The following TENM2 variants were observed in gnomAD, a reference collection of about 807,000 sequenced individuals.
The protein encoded by TENM2 is teneurin-2.
A neutral mutation model predicts 245.2 loss-of-function variants in TENM2; 52 were observed. The ratio of observed to expected loss-of-function variants is 0.21; its 90% CI spans 0.17 to 0.27. TENM2 has a LOEUF of 0.27. Ranked by LOEUF, TENM2 falls within the 10% of genes least tolerant of loss-of-function variation. The pLI, the probability that TENM2 is intolerant of heterozygous loss-of-function variation, is 1.00. For missense variants in TENM2, 3,046 were observed against 3,666.8 expected (o/e 0.83, Z 4.37); for synonymous variants, 1,363 against 1,438.9 (o/e 0.95, Z 1.19).
intron 2 of TENM2, among the ~76,000 whole-genome samples, chr5:167,530,140 C>CT (rs58738834): frequency 0.04 from 6,131 of 152,192 alleles, 373 homozygotes; most frequent in East Asian, 0.29. Context: ...TGTTTAGAAA[C>CT]TTTTTAGAGC....
At chr5:167,169,439 G>A in the TENM2 span, among the ~76,000 whole-genome samples, 1 of 152,166 alleles carries the variant, frequency 6.6e-6, no homozygotes, top group Admixed American at 6.5e-5. Flanking sequence ...ACTTCCTGTG[G>A]TCACATTGCA....
intron 5 of TENM2, among the ~76,000 whole-genome samples, chr5:168,024,598 T>C (rs1310322157): frequency 6.6e-6 from 1 of 152,150 alleles, no homozygotes; most frequent in Non-Finnish European, 1.5e-5. Flanking sequence ...ATGTGAAAAA[T>C]GAGAGTTCAC....
At chr5:167,710,285 G>T (rs1758822377) in intron 2 of TENM2, among the ~76,000 whole-genome samples, 2 of 152,098 alleles carry the variant, frequency 1.3e-5, no homozygotes, top group Admixed American at 1.3e-4. Context: ...CATACTATTT[G>T]ACATGAATTA....
Position 167,467,380 on chromosome 5 carries a change from C to T in TENM2, c.502+91907C>T, listed in dbSNP as rs116813067. ...GTGGAACTGTGAGTCCATTAAACCT[C>T]CTTTGCTTATAAATTACCCAGTCTC... On this transcript the variant is annotated intron_variant, in intron 2 of 28. Transcript: ENST00000518659. Among the ~76,000 whole-genome samples, 384 of 152,158 alleles carry T rather than the reference C, an allele frequency of 2.5e-3. 1 individual carries two copies. The highest frequency in any genetic ancestry group is 5.2e-3 in the Admixed American group (80 of 15,278).
intron 3 of TENM2, chr5:167,938,147 A>G (rs1281665635): frequency 6.6e-6 from 1 of 152,238 alleles, no homozygotes; most frequent in Admixed American, 6.5e-5. Flanking sequence ...GAAAACACAA[A>G]TGAATCAAAA....
intron 2 of TENM2, among the ~76,000 whole-genome samples, chr5:167,561,866 A>G (rs1330240805): frequency 6.6e-6 from 1 of 152,224 alleles, no homozygotes; most frequent in Non-Finnish European, 1.5e-5. Context: ...ATCAAATGCT[A>G]ACATGTATAC....
intron 2 of TENM2, among the ~76,000 whole-genome samples, chr5:167,769,821 G>C (rs1763284073): frequency 1.3e-5 from 2 of 152,268 alleles, no homozygotes; most frequent in South Asian, 4.1e-4. Context: ...TGTCCATTGA[G>C]GGATGGCTTT....
At chr5:167,349,881 C>T (rs1290442472) in intron 1 of TENM2, among the ~76,000 whole-genome samples, 3 of 151,540 alleles carry the variant, frequency 2.0e-5, no homozygotes, top group African/African-American at 4.9e-5. Context: ...ACAATATTGC[C>T]TATATTGAAA....
chr5:167,951,238 A>G (rs1780076220), intron 3 of TENM2, among the ~76,000 whole-genome samples: 1 of 152,234 alleles, frequency 6.6e-6, no homozygotes, highest in African/African-American at 2.4e-5. Flanking sequence ...GCTTGTTTAA[A>G]TGACTTGAGC....
chr5:167,533,650 G>C (rs1034333598), intron 2 of TENM2, among the ~76,000 whole-genome samples: 2 of 151,948 alleles, frequency 1.3e-5, no homozygotes, highest in African/African-American at 4.8e-5. Flanking sequence ...TATAGAAATG[G>C]GGTCTAGTTA....
chr5:168,038,441 T>A (rs1332650104), intron 5 of TENM2, among the ~76,000 whole-genome samples: 1 of 152,160 alleles, frequency 6.6e-6, no homozygotes, highest in Non-Finnish European at 1.5e-5. Flanking sequence ...TAAAACCAGC[T>A]GCCCCACCTA....
At chr5:167,140,521 C>A in the TENM2 span, among the ~76,000 whole-genome samples, 2 of 152,122 alleles carry the variant, frequency 1.3e-5, no homozygotes, top group East Asian at 3.9e-4. Flanking sequence ...GCTTGAAATT[C>A]TTTGAGTGTT....
chr5:167,379,307 G>A (rs760658787), intron 2 of TENM2, among the ~76,000 whole-genome samples: 3 of 151,980 alleles, frequency 2.0e-5, no homozygotes, highest in Admixed American at 1.3e-4. Context: ...CTGTCTCCTC[G>A]GCAGAGTTCC....
chr5:167,737,043 C>A (rs961954235), intron 2 of TENM2, among the ~76,000 whole-genome samples: 3 of 152,224 alleles, frequency 2.0e-5, no homozygotes, highest in Non-Finnish European at 4.4e-5. Context: ...GTCCGCCTCA[C>A]ACCTGGGATT....
chr5:167,310,629 C>CA (rs1223643876), intron 1 of TENM2, among the ~76,000 whole-genome samples: 3 of 151,242 alleles, frequency 2.0e-5, no homozygotes, highest in African/African-American at 7.3e-5. Context: ...AAAACAAAAA[C>CA]AAAAAACAAA....
At chr5:168,255,217 T>C (rs1032152219) in intron 27 of TENM2, among the ~76,000 whole-genome samples, 1 of 152,192 alleles carries the variant, frequency 6.6e-6, no homozygotes, top group African/African-American at 2.4e-5. Context: ...ATAGTCCCTT[T>C]TCAATGCTCT....
At chr5:168,209,960 T>C (rs1430319207) in intron 19 of TENM2, among the ~76,000 whole-genome samples, 3 of 152,128 alleles carry the variant, frequency 2.0e-5, no homozygotes, top group Admixed American at 2.0e-4. Context: ...CCCAGAGACA[T>C]CATTGAGACC....
intron 2 of TENM2, among the ~76,000 whole-genome samples, chr5:167,625,965 G>T (rs1778473024): frequency 6.6e-6 from 1 of 152,146 alleles, no homozygotes; most frequent in Admixed American, 6.6e-5. Context: ...AAGCAGCGGA[G>T]TCAAGAGAAA....
the TENM2 span, among the ~76,000 whole-genome samples, chr5:167,234,987 T>C: frequency 3.3e-5 from 5 of 152,258 alleles, no homozygotes; most frequent in South Asian, 1.0e-3. Flanking sequence ...CCTGCAGATA[T>C]TAGTTCTCTA....
Sources: gnomAD v4.1 joint callset for allele counts (sites outside exome capture counted in the v4.1 genomes callset) on GRCh38, gnomAD v4.1.1 for gene constraint, MANE v1.5 for transcripts, NCBI Gene and HGNC (gene_info 2026-07-23, HGNC 2026-07-21) for gene names.